Variants in TXNDC11 observed in about 807,000 individuals in gnomAD.
TXNDC11 encodes thioredoxin domain-containing protein 11.
A neutral mutation model predicts 78.0 loss-of-function variants in TXNDC11; 68 were observed. That is an observed-to-expected ratio of 0.87 (90% CI 0.72 to 1.07). TXNDC11 has a LOEUF of 1.07. Among genes scored for constraint, TXNDC11 ranks in the 50% least tolerant of loss-of-function variants. TXNDC11 has a pLI of 0.00. For synonymous variants in TXNDC11, 571 were observed against 495.2 expected (o/e 1.15, Z -2.03); for missense variants, 1,389 against 1,221.8 (o/e 1.14, Z -2.04).
rs1303009299 is a variant in TXNDC11 at position 11,706,903 on chromosome 16, ATTTTT to A, written c.794-6344_794-6340del. Among the ~76,000 whole-genome samples the A allele has an allele frequency of 2.6e-5, 4 of 151,770 alleles. No individual in the cohort carries two copies. In the South Asian group the frequency reaches 8.3e-4, roughly 32 times the overall value. Reference sequence around the variant, plus strand: ...ACTGCGTGGGTCCACTTACATGCATATTTTTTTTAACGAAACACAGATCCAAAATA... The same window carrying A: ...ACTGCGTGGGTCCACTTACATGCATATTTAACGAAACACAGATCCAAAATA... On this transcript the variant is annotated intron_variant, in intron 5 of 11. Coordinates refer to ENST00000283033, the MANE Select transcript of TXNDC11 (RefSeq NM_015914.7).
chr16:11,724,746 TTC>T (rs1272312323), intron 4 of TXNDC11, among the ~76,000 whole-genome samples: 3 of 152,122 alleles, frequency 2.0e-5, no homozygotes, highest in Non-Finnish European at 4.4e-5. Flanking sequence ...TAAGTAGAAT[TTC>T]TTTTTCTCTT....
intron 11 of TXNDC11, among the ~76,000 whole-genome samples, chr16:11,682,565 G>A (rs1346850333): frequency 6.6e-6 from 1 of 152,172 alleles, no homozygotes; most frequent in Non-Finnish European, 1.5e-5. Flanking sequence ...TCTGCCAGCT[G>A]CTGAGAACTT....
intron 5 of TXNDC11, among the ~76,000 whole-genome samples, chr16:11,705,569 G>A (rs1289826749): frequency 6.6e-6 from 1 of 152,206 alleles, no homozygotes; most frequent in Non-Finnish European, 1.5e-5. Context: ...ATTTATTAGA[G>A]CAGAGAAATA....
chr16:11,686,645 TA>T (rs1457679270), intron 10 of TXNDC11, among the ~76,000 whole-genome samples: 1 of 152,250 alleles, frequency 6.6e-6, no homozygotes, highest in African/African-American at 2.4e-5. Context: ...CTGATTACTT[TA>T]ATATGTTAAA....
intron 7 of TXNDC11, among the ~76,000 whole-genome samples, chr16:11,697,793 C>T (rs927181053): frequency 6.6e-6 from 1 of 152,194 alleles, no homozygotes; most frequent in Admixed American, 6.5e-5. Flanking sequence ...CTGTTTCACC[C>T]CCTAAACAGG....
chr16:11,710,888 T>C (rs1240230942), intron 5 of TXNDC11, among the ~76,000 whole-genome samples: 1 of 152,146 alleles, frequency 6.6e-6, no homozygotes, highest in East Asian at 1.9e-4. Context: ...TGCTTATTGT[T>C]AGGAAGATAC....
At chr16:11,701,128 CTTTTTTTTT>C (rs397855467) in intron 5 of TXNDC11, among the ~76,000 whole-genome samples, 10 of 101,646 alleles carry the variant, frequency 9.8e-5, no homozygotes, top group East Asian at 7.5e-4. Flanking sequence ...CCAATGTCCT[CTTTTTTTTT>C]TTTTTTTTTT....
At chr16:11,711,467 C>T (rs984734491) in intron 5 of TXNDC11, among the ~76,000 whole-genome samples, 6 of 152,214 alleles carry the variant, frequency 3.9e-5, no homozygotes, top group Non-Finnish European at 8.8e-5. Context: ...ACTTTTCCAG[C>T]TCCAAAGGTT....
intron 5 of TXNDC11, among the ~76,000 whole-genome samples, chr16:11,718,220 C>A (rs1384604180): frequency 1.3e-5 from 2 of 151,834 alleles, no homozygotes; most frequent in Admixed American, 1.3e-4. Context: ...CAGCTAGCTT[C>A]AAAAAACAAA....
chr16:11,692,552 T>A (rs776319588), intron 7 of TXNDC11, among the ~76,000 whole-genome samples: 13 of 152,160 alleles, frequency 8.5e-5, no homozygotes, highest in Non-Finnish European at 1.6e-4. Context: ...GTAAGGATGT[T>A]AAGATCTTCG....
rs1597415981 is a variant in TXNDC11, at chr16:11,691,702, T to G, written c.1488A>C (p.Leu496Phe). The G allele has an allele frequency of 5.6e-6, 9 of 1,614,060 alleles. No homozygotes were observed. Among genetic ancestry groups the G allele is most frequent in the Non-Finnish European group, 7.6e-6 (9 of 1,180,046 alleles). ...AGTAGCTGAAGGGGCTATAGGAAGTTAAAAAATTGCTGCATTCTATGCTGT... is the reference window on the plus strand; with the variant it reads ...AGTAGCTGAAGGGGCTATAGGAAGTGAAAAAATTGCTGCATTCTATGCTGT... ...ASDSIECSNFLTSYSPFSYYT... is the reference protein window; with the variant it reads ...ASDSIECSNFFTSYSPFSYYT... The change falls in exon 8 of 12, where the codon TTA becomes TTC. Residue 496 changes from leucine (L) to phenylalanine (F), a missense_variant. Transcript: ENST00000283033.
At position 11,686,646 on chromosome 16, in the gene TXNDC11, AAT is replaced by A. The variant is rs534096604; in HGVS notation, c.2153+1209_2153+1210del. Among the ~76,000 whole-genome samples, 19 of 152,344 alleles carry A rather than the reference AAT, an allele frequency of 1.2e-4. No individual in the cohort carries two copies. The South Asian group carries it at 3.9e-3, about 32-fold the overall frequency. On this transcript the variant is annotated intron_variant, in intron 10 of 11. Coordinates refer to ENST00000283033, the MANE Select transcript of TXNDC11 (RefSeq NM_015914.7). ...GTCACTTAAAACCACTGATTACTTT[AAT>A]ATGTTAAATGATACTTTGTTACTGT...
chr16:11,702,934 T>C (rs9930460), intron 5 of TXNDC11, among the ~76,000 whole-genome samples: 4,057 of 152,008 alleles, frequency 0.027, 187 homozygotes, highest in African/African-American at 0.094. Context: ...GAGTGTAAAA[T>C]GGCACAAAAC....
At chr16:11,735,261 C>T (rs1425386570) in intron 2 of TXNDC11, among the ~76,000 whole-genome samples, 1 of 152,148 alleles carries the variant, frequency 6.6e-6, no homozygotes, top group Non-Finnish European at 1.5e-5. Flanking sequence ...TATCAGTCTA[C>T]GTTTGTAACT....
chr16:11,694,795 T>G (rs1262389241), intron 7 of TXNDC11, among the ~76,000 whole-genome samples: 1 of 152,238 alleles, frequency 6.6e-6, no homozygotes, highest in Non-Finnish European at 1.5e-5. Context: ...TTTTCTCCTA[T>G]GAAGGGGAAT....
chr16:11,679,300 C>A lies in TXNDC11; in HGVS notation c.2772G>T (p.Gln924His). ...GCTGGGGGGTGGCTGAGGGCTCAGG[C>A]TGCTTGGGGTGGACCTCTCTCTGGG... ...LAAQREVHPK[Q>H]PEPSATPQLP... The change falls in exon 12 of 12, where the codon CAG (glutamine) becomes CAT (histidine). Residue 924 changes from glutamine to histidine, a missense_variant. Transcript: ENST00000283033. This position sits in a 1 kb window ranked among gnomAD's most constrained non-coding sequence, Gnocchi z 4.6. 1 of 1,612,708 alleles carries A rather than the reference C, an allele frequency of 6.2e-7. No homozygotes were observed. Among genetic ancestry groups the A allele is most frequent in the Admixed American group, 1.7e-5 (1 of 59,948 alleles).
intron 5 of TXNDC11, among the ~76,000 whole-genome samples, chr16:11,714,714 T>G (rs990308713): frequency 1.3e-5 from 2 of 152,250 alleles, no homozygotes; most frequent in Non-Finnish European, 2.9e-5. Context: ...AGGGCACTTT[T>G]TATGCGTACC....
intron 5 of TXNDC11, among the ~76,000 whole-genome samples, chr16:11,705,709 C>T (rs78569375): frequency 0.01 from 1,552 of 152,280 alleles, 27 homozygotes; most frequent in African/African-American, 0.036. Flanking sequence ...AATTTCAAAA[C>T]TTTATTTTTC....
chr16:11,717,444 A>AG (rs1255955065), intron 5 of TXNDC11, among the ~76,000 whole-genome samples: 1 of 151,164 alleles, frequency 6.6e-6, no homozygotes, highest in Non-Finnish European at 1.5e-5. Flanking sequence ...GAAAAAAAAA[A>AG]AAAAAAAAAA....
Sources: gnomAD v4.1 joint callset for allele counts (sites outside exome capture counted in the v4.1 genomes callset) on GRCh38, gnomAD v4.1.1 for gene constraint, Gnocchi (gnomAD v3.1) non-coding constraint, MANE v1.5 for transcripts, NCBI Gene and HGNC (gene_info 2026-07-23, HGNC 2026-07-21) for gene names.